The following FBXW7 variants were observed in gnomAD, a reference collection of about 807,000 sequenced individuals.
FBXW7 encodes F-box and WD repeat domain containing 7.
In FBXW7, 11 loss-of-function variants were observed where a neutral mutation model predicts 86.3. That is an observed-to-expected ratio of 0.13 (90% CI 0.08 to 0.21). The LOEUF (loss-of-function observed/expected upper bound fraction) is 0.21, where lower values mean the gene tolerates loss of function less well. Ranked by LOEUF, FBXW7 falls within the 10% of genes least tolerant of loss-of-function variation. The probability of loss-of-function intolerance (pLI) is 1.00; values close to 1 mark genes in which losing one functional copy is unlikely to be tolerated. For missense variants in FBXW7, 488 were observed against 847.4 expected (o/e 0.58, Z 5.27); for synonymous variants, 313 against 297.9 (o/e 1.05, Z -0.52).
At position 152,360,836 on chromosome 4, in the gene FBXW7, A is replaced by AATATATAT. The variant is rs375017480; in HGVS notation, c.502-10720_502-10713dup. The stretch of plus-strand genomic sequence containing the variant: ...TAGAAAAATATATTAAAATATATTA[A>AATATATAT]ATATATATATATATATAAAATATAG... On this transcript the variant is annotated intron_variant, in intron 4 of 13. Coordinates refer to ENST00000281708, the MANE Select transcript of FBXW7 (RefSeq NM_001349798.2). Among the ~76,000 whole-genome samples the AATATATAT allele has an allele frequency of 2.7e-5, 4 of 146,528 alleles. No homozygotes were observed. The East Asian group carries it at 7.8e-4, about 29-fold the overall frequency.
Position 152,356,694 on chromosome 4 carries a change from T to C in FBXW7, c.502-6570A>G, listed in dbSNP as rs72955031. 5.6e-3 allele frequency among the ~76,000 whole-genome samples: 856 copies of C among 152,332 alleles called. 11 individuals are homozygous for C. The highest frequency in any genetic ancestry group is 0.02 in the African/African-American group (825 of 41,574). On this transcript the variant is annotated intron_variant, in intron 4 of 13. Transcript: ENST00000281708. ...TTGAAATTTCACTAACTCACTGTCA[T>C]TAACTTTCTGGGATGTGAGTGCTTA...
chr4:152,488,469 C>A (rs1426455632), intron 2 of FBXW7, among the ~76,000 whole-genome samples: 1 of 152,074 alleles, frequency 6.6e-6, no homozygotes, highest in East Asian at 1.9e-4. Context: ...GCGATTCGTT[C>A]ATTAATGCTG....
chr4:152,341,116 C>G (rs764208799), intron 6 of FBXW7, among the ~76,000 whole-genome samples: 1 of 152,208 alleles, frequency 6.6e-6, no homozygotes, highest in Non-Finnish European at 1.5e-5. Context: ...ACCTTCGGCT[C>G]TTCGTTCTAT....
intron 2 of FBXW7, among the ~76,000 whole-genome samples, chr4:152,418,381 T>C (rs1327867879): frequency 6.6e-6 from 1 of 152,132 alleles, no homozygotes; most frequent in Non-Finnish European, 1.5e-5. Flanking sequence ...AAAAGGAAAA[T>C]GAGCTTTTGA....
chr4:152,503,954 T>A (rs544388306), intron 2 of FBXW7, among the ~76,000 whole-genome samples: 1 of 152,106 alleles, frequency 6.6e-6, no homozygotes, highest in Admixed American at 6.5e-5. Flanking sequence ...GTTAAAAAAA[T>A]AAAAAACAAT....
intron 4 of FBXW7, among the ~76,000 whole-genome samples, chr4:152,354,992 A>G (rs1732231908): frequency 6.6e-6 from 1 of 152,114 alleles, no homozygotes; most frequent in Admixed American, 6.6e-5. Context: ...CTTCCCAAGT[A>G]TTTAAACAAT....
At chr4:152,376,818 G>A (rs1187325327) in intron 4 of FBXW7, among the ~76,000 whole-genome samples, 1 of 151,918 alleles carries the variant, frequency 6.6e-6, no homozygotes. Context: ...CCCAGACCCT[G>A]AAGTATCATC....
intron 2 of FBXW7, among the ~76,000 whole-genome samples, chr4:152,533,412 A>G (rs1329969337): frequency 6.6e-6 from 1 of 152,188 alleles, no homozygotes; most frequent in East Asian, 1.9e-4. Flanking sequence ...TGAAAAACAG[A>G]ATACGTGACT....
chr4:152,350,113 C>T lies in FBXW7; in HGVS notation c.513G>A (p.Lys171=). Residue 171 remains lysine, a synonymous_variant, in exon 5 of 14, where the codon AAG becomes AAA. Transcript: ENST00000281708. ...AGCGGACCTCAGAACCATGGTCCAA[C>T]TTTCTTTTCATCTATAAGGTAAAAC... ...FYTKTTKMKR[K]LDHGSEVRSF... 1.3e-6 allele frequency: 2 copies of T among 1,553,666 alleles called. No individual in the cohort carries two copies. Among genetic ancestry groups the T allele is most frequent in the Non-Finnish European group, 1.7e-6 (2 of 1,144,108 alleles).
intron 2 of FBXW7, among the ~76,000 whole-genome samples, chr4:152,416,050 A>C (rs909821589): frequency 6.6e-6 from 1 of 152,074 alleles, no homozygotes; most frequent in Non-Finnish European, 1.5e-5. Flanking sequence ...CCATCCATCA[A>C]TTTATTTCTG....
chr4:152,326,277 C>T (rs370413277), intron 11 of FBXW7, 46 bp from the exon 12 acceptor site: 8 of 1,466,150 alleles, frequency 5.5e-6, no homozygotes, highest in South Asian at 1.3e-5. Flanking sequence ...AAAAAACCCA[C>T]GTTTAGAATT....
intron 2 of FBXW7, among the ~76,000 whole-genome samples, chr4:152,490,738 G>C (rs1297493375): frequency 2.7e-5 from 4 of 147,990 alleles, no homozygotes; most frequent in Non-Finnish European, 3.0e-5. Flanking sequence ...AATACCAATA[G>C]TGTGTATCTG....
chr4:152,485,002 G>A lies in FBXW7; in HGVS notation c.-120+49939C>T, dbSNP rs1020447668. The stretch of plus-strand genomic sequence containing the variant: ...AAGTATAAAGCCCAATTAAATGGAT[G>A]AAGAAAAGAAAACATGAATTCTAGT... On this transcript the variant is annotated intron_variant, in intron 2 of 13. Coordinates refer to ENST00000281708, the MANE Select transcript of FBXW7 (RefSeq NM_001349798.2). Among the ~76,000 whole-genome samples the A allele has an allele frequency of 2.0e-5, 3 of 149,954 alleles. No individual in the cohort carries two copies. In the East Asian group the frequency reaches 5.8e-4, roughly 29 times the overall value.
intron 2 of FBXW7, among the ~76,000 whole-genome samples, chr4:152,527,901 C>CACACACACACACACACACAT (rs71596295): frequency 6.7e-5 from 10 of 149,186 alleles, no homozygotes; most frequent in African/African-American, 2.5e-4. Flanking sequence ...CACACACACA[C>CACACACACACACACACACAT]ATATATATAC....
intron 5 of FBXW7, chr4:152,348,714 A>G: frequency 8.5e-7 from 1 of 1,174,840 alleles, no homozygotes; most frequent in Non-Finnish European, 1.1e-6. Flanking sequence ...AGACTGATAC[A>G]TTTAAAAAAT....
At chr4:152,518,603 C>T (rs1055160090) in intron 2 of FBXW7, among the ~76,000 whole-genome samples, 1 of 152,146 alleles carries the variant, frequency 6.6e-6, no homozygotes, top group Non-Finnish European at 1.5e-5. Context: ...AGCTTCAGCA[C>T]TCTATACTTA....
chr4:152,428,834 A>G (rs890959779), intron 2 of FBXW7, among the ~76,000 whole-genome samples: 3 of 152,236 alleles, frequency 2.0e-5, no homozygotes, highest in Non-Finnish European at 4.4e-5. Flanking sequence ...AATCTTACCA[A>G]TTCAGATCGT....
intron 4 of FBXW7, among the ~76,000 whole-genome samples, chr4:152,373,214 C>T (rs1237535093): frequency 6.6e-6 from 1 of 151,956 alleles, no homozygotes; most frequent in East Asian, 1.9e-4. Context: ...CCTGAGATTC[C>T]TCACGTGTAA....
At chr4:152,364,310 GCTTT>G (rs1733259457) in intron 4 of FBXW7, among the ~76,000 whole-genome samples, 1 of 152,032 alleles carries the variant, frequency 6.6e-6, no homozygotes, top group African/African-American at 2.4e-5. Flanking sequence ...TTCATGTCCT[GCTTT>G]ATTTCCCTAA....
Sources: allele counts gnomAD v4.1 joint callset (sites outside exome capture counted in the v4.1 genomes callset), GRCh38; gene constraint gnomAD v4.1.1; transcripts MANE v1.5; gene names NCBI Gene and HGNC (gene_info 2026-07-23, HGNC 2026-07-21).